Variants in FAT4 observed in about 807,000 individuals in gnomAD.
FAT4 encodes the protein FAT atypical cadherin 4, also known as protocadherin Fat 4.
Under a neutral mutation model 303.9 loss-of-function variants are expected in FAT4, and 84 were observed. The observed-to-expected ratio is 0.28, with a 90% CI of 0.23 to 0.33. The LOEUF (loss-of-function observed/expected upper bound fraction) is 0.33. Ranked by LOEUF, FAT4 falls within the 10% of genes least tolerant of loss-of-function variation. The pLI, the probability that FAT4 is intolerant of heterozygous loss-of-function variation, is 1.00. For synonymous variants in FAT4, 2,307 were observed against 2,298.8 expected (o/e 1.00, Z -0.10); for missense variants, 6,005 against 6,146.8 (o/e 0.98, Z 0.77).
rs1040357667 is a variant in FAT4 at position 125,375,680 on chromosome 4, G to T, written c.5176-23104G>T. ...ACGTCTTTCATAACTTGGTTCCAAAGGCATTCATGACTTTTGATGTCATCC... is the reference window on the plus strand; with the variant it reads ...ACGTCTTTCATAACTTGGTTCCAAATGCATTCATGACTTTTGATGTCATCC... On this transcript the variant is annotated intron_variant, in intron 2 of 17. Transcript: ENST00000394329. Among the ~76,000 whole-genome samples the T allele has an allele frequency of 2.6e-5, 4 of 152,146 alleles. No individual in the cohort carries two copies. The East Asian group carries it at 7.7e-4, about 29-fold the overall frequency.
Position 125,489,935 on chromosome 4 carries a change from T to C in FAT4, c.13119T>C (p.Tyr4373=), listed in dbSNP as rs1261888765. 3 of 1,609,000 alleles carry C rather than the reference T, an allele frequency of 1.9e-6. No homozygotes were observed. Among genetic ancestry groups the C allele is most frequent in the Non-Finnish European group, 1.7e-6 (2 of 1,178,302 alleles). ...ATGGCTGCATTGCTTCTATGTGGTA[T>C]GGTGGAGAAAGTCTTCCTTTCAGCG... ...GFDGCIASMW[Y]GGESLPFSGK... The change falls in exon 18 of 18, where the codon TAT becomes TAC. Residue 4373 remains tyrosine, a synonymous_variant. Transcript: ENST00000394329.
At chr4:125,328,808 G>C (rs1731261720) in intron 2 of FAT4, among the ~76,000 whole-genome samples, 1 of 152,148 alleles carries the variant, frequency 6.6e-6, no homozygotes, top group Non-Finnish European at 1.5e-5. Flanking sequence ...TATGGTGGAA[G>C]CAGGATTTAA....
chr4:125,458,438 A>T (rs895773291), intron 10 of FAT4, among the ~76,000 whole-genome samples: 2 of 151,968 alleles, frequency 1.3e-5, no homozygotes, highest in African/African-American at 2.4e-5. Context: ...GTTGATGATC[A>T]TGTGACCGGA....
At chr4:125,479,011 G>T (rs1158259883) in intron 14 of FAT4, among the ~76,000 whole-genome samples, 7 of 151,982 alleles carry the variant, frequency 4.6e-5, no homozygotes, top group African/African-American at 1.7e-4. Context: ...TGTGCCCTGA[G>T]CTCCAACCAT....
intron 16 of FAT4, among the ~76,000 whole-genome samples, chr4:125,484,807 A>G (rs1727351323): frequency 6.6e-6 from 1 of 152,094 alleles, no homozygotes; most frequent in South Asian, 2.1e-4. Flanking sequence ...TCATATCCAA[A>G]AATAAAAAAG....
At chr4:125,432,796 CACTT>C (rs1215683484) in intron 7 of FAT4, among the ~76,000 whole-genome samples, 12 of 126,864 alleles carry the variant, frequency 9.5e-5, no homozygotes, top group African/African-American at 3.3e-4. Context: ...TTAAATGAAA[CACTT>C]AATATAAAAT....
At chr4:125,460,052 T>C (rs2126068389) in intron 10 of FAT4, among the ~76,000 whole-genome samples, 1 of 152,154 alleles carries the variant, frequency 6.6e-6, no homozygotes, top group Non-Finnish European at 1.5e-5. Flanking sequence ...ACAGGTGTTT[T>C]AAATAATAAT....
At chr4:125,487,174 C>T (rs1417528537) in intron 16 of FAT4, among the ~76,000 whole-genome samples, 171 bp from the exon 17 acceptor site, 1 of 152,060 alleles carries the variant, frequency 6.6e-6, no homozygotes, top group Non-Finnish European at 1.5e-5. Context: ...TGTAAAAGTA[C>T]ATGTTGCCTA....
Position 125,316,385 on chromosome 4 carries a change from A to G in FAT4, c.-12-15A>G, listed in dbSNP as rs1201480657. 1 of 1,569,536 alleles carries G rather than the reference A, an allele frequency of 6.4e-7. No homozygotes were observed. Among genetic ancestry groups the G allele is most frequent in the Non-Finnish European group, 8.6e-7 (1 of 1,156,208 alleles). ...TTTGCTTCACCCCTTCCTTCTCTTTATCACATCGTTTTAGGGAGCCAGGAC... is the reference window on the plus strand; with the variant it reads ...TTTGCTTCACCCCTTCCTTCTCTTTGTCACATCGTTTTAGGGAGCCAGGAC... On this transcript the variant is annotated splice_polypyrimidine_tract_variant and intron_variant, in intron 1 of 17. Transcript: ENST00000394329. The surrounding 1 kb of genome is among the most constrained non-coding windows in gnomAD (Gnocchi z 5.7).
At chr4:125,369,869 C>T (rs1181278574) in intron 2 of FAT4, among the ~76,000 whole-genome samples, 3 of 152,040 alleles carry the variant, frequency 2.0e-5, no homozygotes, top group Non-Finnish European at 4.4e-5. Flanking sequence ...TGGAATCATA[C>T]ATATTTGTTT....
At chr4:125,458,066 T>C (rs899020186) in intron 10 of FAT4, among the ~76,000 whole-genome samples, 2 of 151,908 alleles carry the variant, frequency 1.3e-5, no homozygotes, top group African/African-American at 2.4e-5. Context: ...TATTTATAAA[T>C]CTGGCTATCT....
chr4:125,386,122 A>G (rs971805681), intron 2 of FAT4, among the ~76,000 whole-genome samples: 25 of 152,196 alleles, frequency 1.6e-4, no homozygotes, highest in Admixed American at 1.5e-3. Context: ...GTGTGTAACA[A>G]TAAAATGTAC....
In FAT4 at chr4:125,320,537, A is replaced by C; in HGVS notation, c.4126A>C (p.Lys1376Gln). ...SPNTGSIFLA[K>Q]KLDFETQSLY... The stretch of plus-strand genomic sequence containing the variant: ...AAACACTGGGAGTATTTTTCTTGCC[A>C]AAAAACTGGACTTTGAAACACAGTC... The change falls in exon 2 of 18, where the codon AAA becomes CAA. Residue 1376 changes from lysine (K) to glutamine (Q), a missense_variant. Transcript: ENST00000394329. The C allele has an allele frequency of 6.2e-7, 1 of 1,613,980 alleles. No homozygotes were observed. Among genetic ancestry groups the C allele is most frequent in the Non-Finnish European group, 8.5e-7 (1 of 1,179,890 alleles).
intron 2 of FAT4, among the ~76,000 whole-genome samples, chr4:125,374,123 C>G (rs1733227963): frequency 6.6e-6 from 1 of 152,130 alleles, no homozygotes; most frequent in South Asian, 2.1e-4. Flanking sequence ...ATGAGCTCAA[C>G]AGTCTGCCGG....
chr4:125,319,289 G>A lies in FAT4; in HGVS notation c.2878G>A (p.Gly960Ser), dbSNP rs753480666. ...GCTTGGGCCCCTGGATGTTCATGCT[G>A]GCTCCTACCAAATAGAGATCTTGGC... Reference protein sequence around the residue: ...SLLGPLDVHAGSYQIEILASD... With the variant: ...SLLGPLDVHASSYQIEILASD... Residue 960 changes from glycine (G) to serine (S), a missense_variant, in exon 2 of 18, where the codon GGC becomes AGC. Coordinates refer to ENST00000394329, the MANE Select transcript of FAT4 (RefSeq NM_001291303.3). The A allele has an allele frequency of 1.2e-6, 2 of 1,614,100 alleles. No individual in the cohort carries two copies. The highest frequency in any genetic ancestry group is 4.5e-5 in the East Asian group (2 of 44,868).
chr4:125,446,234 A>C, intron 8 of FAT4, 59 bp from the exon 9 acceptor site: 2 of 1,420,766 alleles, frequency 1.4e-6, no homozygotes, highest in South Asian at 1.4e-5. Context: ...AATTATAGTA[A>C]ATAGAAGTTA....
chr4:125,388,724 C>T (rs908154845), intron 2 of FAT4, among the ~76,000 whole-genome samples: 1 of 152,048 alleles, frequency 6.6e-6, no homozygotes, highest in Non-Finnish European at 1.5e-5. Context: ...AAAATAAATC[C>T]TTATTTGGTT....
At chr4:125,430,258 G>T (rs1725240757) in intron 7 of FAT4, among the ~76,000 whole-genome samples, 1 of 152,030 alleles carries the variant, frequency 6.6e-6, no homozygotes, top group Admixed American at 6.6e-5. Flanking sequence ...AAGATCTGTG[G>T]TCGCCAAGGA....
At chr4:125,367,480 G>A (rs1732928332) in intron 2 of FAT4, among the ~76,000 whole-genome samples, 1 of 152,080 alleles carries the variant, frequency 6.6e-6, no homozygotes, top group Admixed American at 6.6e-5. Flanking sequence ...ACTAATCCAG[G>A]AAAGTAAAGG....
Sources: gnomAD v4.1 joint callset for allele counts (sites outside exome capture counted in the v4.1 genomes callset) on GRCh38, gnomAD v4.1.1 for gene constraint, Gnocchi (gnomAD v3.1) non-coding constraint, MANE v1.5 for transcripts, NCBI Gene and HGNC (gene_info 2026-07-23, HGNC 2026-07-21) for gene names.